Variants in MCM4 observed in about 807,000 individuals in gnomAD.
MCM4 encodes minichromosome maintenance complex component 4.
MCM4 carries 60 observed loss-of-function variants against 88.7 expected under a neutral mutation model. The ratio of observed to expected loss-of-function variants is 0.68; its 90% confidence interval spans 0.55 to 0.84. The LOEUF (loss-of-function observed/expected upper bound fraction) is 0.84. MCM4 is among the 40% of genes least tolerant of loss of function. MCM4 has a pLI of 0.00. For missense variants in MCM4, 1,149 were observed against 1,105.5 expected, an observed-to-expected ratio of 1.04 and a Z score of -0.56; for synonymous variants, 465 against 410.5, an observed-to-expected ratio of 1.13 and a Z score of -1.61.
In MCM4 at chr8:47,964,651, G is replaced by A. The variant is rs1467298258; in HGVS notation, c.771G>A (p.Gln257=). Residue 257 remains glutamine, a synonymous_variant, in exon 8 of 17, where the codon CAG becomes CAA. Transcript: ENST00000649973. ...DRYPDSILEH[Q]IQVRPFNALK... ...ACCCTGACTCAATCTTAGAACATCA[G>A]ATTCAAGTAAGACCATTCAACGCAT... The A allele has an allele frequency of 6.2e-7, 1 of 1,607,262 alleles. No individual in the cohort carries two copies. Among genetic ancestry groups the A allele is most frequent in the African/African-American group, 1.3e-5 (1 of 74,724 alleles).
Position 47,977,676 on chromosome 8 carries a change from G to A in MCM4, c.*898G>A, listed in dbSNP as rs1260083766. 1 of 152,180 alleles carries A rather than the reference G, an allele frequency of 6.6e-6. No individual in the cohort carries two copies. Among genetic ancestry groups the A allele is most frequent in the Non-Finnish European group, 1.5e-5 (1 of 68,062 alleles). The allele number at this position is 152,180 out of a possible 1,614,324, so 9.4% of individuals were successfully genotyped here. On this transcript the variant is annotated 3_prime_UTR_variant, in exon 17 of 17. Coordinates refer to ENST00000649973, the MANE Select transcript of MCM4 (RefSeq NM_182746.3). ...CTTCGCCACGTTGCCCAGGCTGCAA[G>A]CGATATGCCTAGGCTCAAGCGATCT...
chr8:47,966,196 A>G lies in MCM4; in HGVS notation c.842A>G (p.Gln281Arg). ...MRNLNPEDID[Q>R]LITISGMVIR... ...TCTTCTCCCCTCACAGACATTGACC[A>G]GCTCATCACCATCAGCGGCATGGTG... The change falls in exon 9 of 17, where the codon CAG becomes CGG. Residue 281 changes from glutamine to arginine, a missense_variant. Physicochemically the swap from Gln to Arg is conservative, Grantham distance 43. Around this residue, in one of 3 missense-constraint regions of MCM4, gnomAD observed 906 missense variants for 843.0 expected, o/e 1.07. Coordinates refer to ENST00000649973, the MANE Select transcript of MCM4 (RefSeq NM_182746.3). The G allele has an allele frequency of 6.2e-7, 1 of 1,613,910 alleles. No homozygotes were observed. The highest frequency in any genetic ancestry group is 8.5e-7 in the Non-Finnish European group (1 of 1,179,940).
chr8:47,961,050 G>A (rs1047262238), intron 1 of MCM4, 36 bp downstream of exon 1: 1 of 1,340,342 alleles, frequency 7.5e-7, no homozygotes, highest in Non-Finnish European at 9.8e-7. Flanking sequence ...GTGGCGCGGA[G>A]CCGACGGGAA....
chr8:47,976,927 T>C lies in MCM4; in HGVS notation c.*149T>C. 1 of 561,298 alleles carries C rather than the reference T, an allele frequency of 1.8e-6. No homozygotes were observed. Among genetic ancestry groups the C allele is most frequent in the Non-Finnish European group, 3.2e-6 (1 of 311,054 alleles). The allele number at this position is 561,298 out of a possible 1,614,324, so 34.8% of individuals were successfully genotyped here. A position where few individuals can be genotyped will look rare whatever the true frequency, so the allele number is the denominator to read the frequency against. On this transcript the variant is annotated 3_prime_UTR_variant, in exon 17 of 17. Coordinates refer to ENST00000649973, the MANE Select transcript of MCM4 (RefSeq NM_182746.3). ...AAAATTTTCTAACTTGGGTTCAATA[T>C]TTGTAGTGAAGTATCTGTTTTCATT... is the stretch of plus-strand genomic sequence containing the variant.
At chr8:47,970,983 AGATT>A in intron 12 of MCM4, 107 bp downstream of exon 12, 4 of 1,309,048 alleles carry the variant, frequency 3.1e-6, no homozygotes, top group Non-Finnish European at 4.2e-6. Context: ...TAACTTGGGG[AGATT>A]GATAAGTGCT....
intron 14 of MCM4, chr8:47,973,742 C>T (rs1589834104): frequency 6.6e-6 from 1 of 152,330 alleles, no homozygotes; most frequent in Admixed American, 6.5e-5. Context: ...CCTGCCTCGG[C>T]CTCCCAAAGT....
intron 14 of MCM4, 148 bp downstream of exon 14, chr8:47,973,212 C>T: frequency 1.2e-6 from 1 of 811,310 alleles, no homozygotes. Flanking sequence ...GCTCTCTTGC[C>T]CAGGCTGGAG....
At chr8:47,961,299 C>A (rs17287540) in intron 2 of MCM4, 85 bp downstream of exon 2, 1 of 1,426,378 alleles carries the variant, frequency 7.0e-7, no homozygotes, top group Non-Finnish European at 9.1e-7. Flanking sequence ...TGGGTGGGTG[C>A]GCGGGACCCG....
At chr8:47,969,383 C>T (rs1401137573) in intron 10 of MCM4, 7 of 171,540 alleles carry the variant, frequency 4.1e-5, no homozygotes, top group Admixed American at 1.1e-4. Context: ...CTCAGCCTCC[C>T]GAGTAGCTGG....
intron 11 of MCM4, 144 bp from the exon 12 acceptor site, chr8:47,970,367 A>G (rs2154505316): frequency 2.0e-6 from 2 of 1,016,816 alleles, no homozygotes; most frequent in East Asian, 2.5e-5. Flanking sequence ...AAGCATATCA[A>G]GCACTTTCAC....
chr8:47,973,258 G>T (rs927875125), intron 14 of MCM4, among the ~76,000 whole-genome samples, 194 bp downstream of exon 14: 4 of 151,542 alleles, frequency 2.6e-5, no homozygotes, highest in African/African-American at 9.7e-5. Flanking sequence ...GCAGCCTGTG[G>T]CCTGTGCTTC....
rs2091014899 is a variant in MCM4, at chr8:47,977,903, T to C, written c.*1125T>C. The C allele has an allele frequency of 6.6e-6, 1 of 152,252 alleles. No individual in the cohort carries two copies. The highest frequency in any genetic ancestry group is 6.5e-5 in the Admixed American group (1 of 15,278). 9.4% of individuals were successfully genotyped at this position (152,252 alleles called of 1,614,324 possible). A position where few individuals can be genotyped will look rare whatever the true frequency, so the allele number is the denominator to read the frequency against. ...CTTTACCCTAATACATAAAACTTTT[T>C]CCTAAATAAATGATGGAAGGAATAA... On this transcript the variant is annotated 3_prime_UTR_variant, in exon 17 of 17. Coordinates refer to ENST00000649973, the MANE Select transcript of MCM4 (RefSeq NM_182746.3).
rs1167300383 is a variant in MCM4 at position 47,970,612 on chromosome 8, T to G, written c.1536T>G (p.Pro512=). 1 of 1,614,148 alleles carries G rather than the reference T, an allele frequency of 6.2e-7. No individual in the cohort carries two copies. The highest frequency in any genetic ancestry group is 1.1e-5 in the South Asian group (1 of 91,084). The stretch of plus-strand genomic sequence containing the variant: ...TCAACATCTTGCTGTGTGGCGACCC[T>G]GGTACCAGCAAGTCCCAGCTGCTGC... ...AEINILLCGD[P]GTSKSQLLQY... The change falls in exon 12 of 17, where the codon CCT becomes CCG. Residue 512 remains proline, a synonymous_variant. Coordinates refer to ENST00000649973, the MANE Select transcript of MCM4 (RefSeq NM_182746.3).
chr8:47,974,595 A>T, intron 14 of MCM4, 139 bp from the exon 15 acceptor site: 1 of 699,916 alleles, frequency 1.4e-6, no homozygotes, highest in Non-Finnish European at 2.6e-6. Flanking sequence ...AGTCTCTACC[A>T]CTTGATGAGC....
chr8:47,975,298 T>C, intron 15 of MCM4: 1 of 212,206 alleles, frequency 4.7e-6, no homozygotes, highest in East Asian at 1.3e-4. Context: ...CATTTAACAT[T>C]ACGTGTATCT....
At chr8:47,967,568 C>A in intron 10 of MCM4, 83 bp downstream of exon 10, 1 of 1,550,450 alleles carries the variant, frequency 6.4e-7, no homozygotes, top group African/African-American at 1.4e-5. Context: ...TGGACTTGGT[C>A]ACAGGTCCAG....
intron 8 of MCM4, among the ~76,000 whole-genome samples, chr8:47,965,285 G>T (rs777750978): frequency 1.3e-5 from 2 of 151,952 alleles, no homozygotes; most frequent in Non-Finnish European, 2.9e-5. Flanking sequence ...ACCAGCTTGA[G>T]TGACATAAGA....
chr8:47,971,072 G>T (rs962579892), intron 12 of MCM4, among the ~76,000 whole-genome samples, 196 bp downstream of exon 12: 1 of 152,168 alleles, frequency 6.6e-6, no homozygotes, highest in Non-Finnish European at 1.5e-5. Context: ...TGCTGTACTA[G>T]CCTTGAATTT....
At chr8:47,962,908 A>G (rs977376717) in intron 6 of MCM4, 37 bp from the exon 7 acceptor site, 48 of 1,573,870 alleles carry the variant, frequency 3.0e-5, no homozygotes, top group Non-Finnish European at 4.0e-5. Flanking sequence ...AAATAGTTAA[A>G]TTAGCAAAAT....
Sources: allele counts gnomAD v4.1 joint callset (sites outside exome capture counted in the v4.1 genomes callset), GRCh38; gene constraint gnomAD v4.1.1; regional missense constraint gnomAD v4.1.1; transcripts MANE v1.5; gene names NCBI Gene and HGNC (gene_info 2026-07-23, HGNC 2026-07-21).